Variants in KIAA0319 observed in about 807,000 individuals in gnomAD.
KIAA0319 encodes KIAA0319.
KIAA0319 carries 83 observed loss-of-function variants against 108.4 expected under a neutral mutation model. The observed-to-expected ratio is 0.77, with a 90% confidence interval of 0.64 to 0.92. The LOEUF is 0.92. Ranked by LOEUF, KIAA0319 falls within the 40% of genes least tolerant of loss-of-function variation. The pLI, the probability that KIAA0319 is intolerant of heterozygous loss-of-function variation, is 0.00. For missense variants in KIAA0319, 1,195 were observed against 1,322.4 expected, an observed-to-expected ratio of 0.90 and a Z score of 1.49; for synonymous variants, 484 against 510.4, an observed-to-expected ratio of 0.95 and a Z score of 0.70.
chr6:24,553,333 ACACG>A (rs574296899), intron 19 of KIAA0319, among the ~76,000 whole-genome samples: 1,295 of 61,484 alleles, frequency 0.021, 16 homozygotes, highest in Non-Finnish European at 0.037. Flanking sequence ...ACACACACAC[ACACG>A]CACATATATA....
intron 4 of KIAA0319, among the ~76,000 whole-genome samples, chr6:24,585,319 G>A (rs2760135): frequency 0.74 from 112,202 of 151,232 alleles, 42,094 homozygotes; most frequent in Non-Finnish European, 0.79. Context: ...ATTCCTAAAC[G>A]AGATACCTAC....
chr6:24,583,651 T>C lies in KIAA0319; in HGVS notation c.1046A>G (p.Asp349Gly), dbSNP rs1766984651. 6.2e-7 allele frequency: 1 copy of C among 1,613,996 alleles called. No homozygotes were observed. Among genetic ancestry groups the C allele is most frequent in the Non-Finnish European group, 8.5e-7 (1 of 1,179,916 alleles). Residue 349 changes from aspartate to glycine, a missense_variant, in exon 5 of 21, where the codon GAC becomes GGC. By Grantham distance (94) the Asp-to-Gly change is moderately conservative (BLOSUM62 -1). Coordinates refer to ENST00000378214, the MANE Select transcript of KIAA0319 (RefSeq NM_014809.4). ...AAAGGCCTTCAGTTCAACTTCATTG[T>C]CGGGTAAAGTTATAATTAGGTTATC... ...AGDNLIITLP[D>G]NEVELKAFVA...
At chr6:24,606,812 A>G (rs1771479719) in intron 1 of KIAA0319, among the ~76,000 whole-genome samples, 1 of 152,200 alleles carries the variant, frequency 6.6e-6, no homozygotes, top group African/African-American at 2.4e-5. Flanking sequence ...TTCTGAGGGA[A>G]GCTCTTTTTG....
chr6:24,582,397 G>C lies in KIAA0319; in HGVS notation c.1094-51C>G, dbSNP rs773816223. 5.5e-6 allele frequency: 6 copies of C among 1,087,574 alleles called. No individual in the cohort carries two copies. In the East Asian group the frequency reaches 1.4e-4, roughly 26 times the overall value. The allele number at this position is 1,087,574 out of a possible 1,614,324, so 67.4% of individuals were successfully genotyped here. On this transcript the variant is annotated intron_variant, in intron 5 of 20. Coordinates refer to ENST00000378214, the MANE Select transcript of KIAA0319 (RefSeq NM_014809.4). ...AGTTATAAATTCTGAGAGGACACTAGATAACCTGGGCAGAGGGAAGATGAC... is the reference window on the plus strand; with the variant it reads ...AGTTATAAATTCTGAGAGGACACTACATAACCTGGGCAGAGGGAAGATGAC...
At position 24,546,508 on chromosome 6, in the gene KIAA0319, T is replaced by C. The variant is rs1679208254; in HGVS notation, c.*657A>G. On this transcript the variant is annotated 3_prime_UTR_variant, in exon 21 of 21. Coordinates refer to ENST00000378214, the MANE Select transcript of KIAA0319 (RefSeq NM_014809.4). ...CATTAAGCTCCTCCTCCCCTTTCTA[T>C]TGCCTCAGTCCTTAGAATACGATTC... 6.6e-6 allele frequency: 1 copy of C among 152,166 alleles called. No individual in the cohort carries two copies. Among genetic ancestry groups the C allele is most frequent in the African/African-American group, 2.4e-5 (1 of 41,462 alleles). The allele number at this position is 152,166 out of a possible 1,614,324, so 9.4% of individuals were successfully genotyped here. A position where few individuals can be genotyped will look rare whatever the true frequency, so the allele number is the denominator to read the frequency against.
chr6:24,550,469 G>A (rs1014397538), intron 20 of KIAA0319, among the ~76,000 whole-genome samples: 5 of 152,218 alleles, frequency 3.3e-5, no homozygotes, highest in South Asian at 2.1e-4. Flanking sequence ...CAGAGGGCCA[G>A]AGAAGTTTCA....
Position 24,563,414 on chromosome 6 carries a change from T to C in KIAA0319, c.2536A>G (p.Asn846Asp). Residue 846 changes from asparagine to aspartate, a missense_variant, in exon 16 of 21, where the codon AAC becomes GAC. Transcript: ENST00000378214. ...TLVRQLAVLL[N>D]VLDSDIKVQK... The stretch of plus-strand genomic sequence containing the variant: ...ACCTTAATGTCCGAGTCCAGCACGT[T>C]CAGCAGCACAGCCAGCTGCCTCACA... 6.2e-7 allele frequency: 1 copy of C among 1,613,918 alleles called. No individual in the cohort carries two copies.
rs138585475 is a variant in KIAA0319 at position 24,573,496 on chromosome 6, A to C, written c.1735-798T>G. On this transcript the variant is annotated intron_variant, in intron 10 of 20. Coordinates refer to ENST00000378214, the MANE Select transcript of KIAA0319 (RefSeq NM_014809.4). ...AAATGGAAAATGTCAAAGAAATATT[A>C]AGCAAAAAAAAGAAAGTTGGGTCGC... is the stretch of plus-strand genomic sequence containing the variant. Among the ~76,000 whole-genome samples, 47 of 152,386 alleles carry C rather than the reference A, an allele frequency of 3.1e-4. 1 individual carries two copies. Among genetic ancestry groups the C allele is most frequent in the African/African-American group, 9.9e-4 (41 of 41,606 alleles).
chr6:24,644,247 G>A (rs1455210255), intron 1 of KIAA0319, among the ~76,000 whole-genome samples: 1 of 13,916 alleles, frequency 7.2e-5, no homozygotes, highest in African/African-American at 6.0e-4. Context: ...ACAGGGGAGA[G>A]GGGGGGGTTC....
At chr6:24,583,483 C>A in intron 5 of KIAA0319, 121 bp downstream of exon 5, 1 of 718,330 alleles carries the variant, frequency 1.4e-6, no homozygotes, top group South Asian at 1.9e-5. Flanking sequence ...TGTCCTCCAC[C>A]TTTGTTTGTG....
chr6:24,569,650 C>A (rs1293440422), intron 12 of KIAA0319, among the ~76,000 whole-genome samples: 1 of 152,192 alleles, frequency 6.6e-6, no homozygotes, highest in Non-Finnish European at 1.5e-5. Flanking sequence ...TGAACCTCTT[C>A]TGTCATGAGC....
intron 1 of KIAA0319, among the ~76,000 whole-genome samples, chr6:24,623,646 G>A (rs1458203039): frequency 6.6e-6 from 1 of 152,198 alleles, no homozygotes; most frequent in African/African-American, 2.4e-5. Flanking sequence ...AAAATTCTAA[G>A]GGGGATGAAG....
At chr6:24,602,596 CGA>C (rs1327203698) in intron 1 of KIAA0319, among the ~76,000 whole-genome samples, 1 of 152,054 alleles carries the variant, frequency 6.6e-6, no homozygotes, top group Non-Finnish European at 1.5e-5. Context: ...GTCAGGAGAT[CGA>C]GACCATCCTG....
intron 1 of KIAA0319, among the ~76,000 whole-genome samples, chr6:24,642,140 G>A (rs1366872604): frequency 1.6e-5 from 2 of 125,322 alleles, no homozygotes; most frequent in Admixed American, 1.6e-4. Context: ...GGGAGGGGAA[G>A]GGGAGGGAAG....
At chr6:24,573,962 A>G (rs559298066) in intron 10 of KIAA0319, among the ~76,000 whole-genome samples, 2 of 152,092 alleles carry the variant, frequency 1.3e-5, no homozygotes, top group African/African-American at 4.8e-5. Context: ...TAAAAATACA[A>G]AAATTATTCG....
chr6:24,575,649 G>C (rs763044775), intron 10 of KIAA0319, among the ~76,000 whole-genome samples: 3 of 152,162 alleles, frequency 2.0e-5, no homozygotes, highest in Non-Finnish European at 4.4e-5. Flanking sequence ...TCCATGGAAT[G>C]TCCGATTTTA....
rs769768664 is a variant in KIAA0319, at chr6:24,564,228, T to C, written c.2405A>G (p.Asp802Gly). 8.1e-6 allele frequency: 13 copies of C among 1,613,944 alleles called. No homozygotes were observed. In the Middle Eastern group the frequency reaches 8.2e-4, roughly 102 times the overall value. ...VTDSQGASDT[D>G]TATVEVQPDP... ...TGGCTGCACTTCCACAGTGGCAGTG[T>C]CTGTGTCCGAGGCCCCCTGACTGTC... The change falls in exon 15 of 21, where the codon GAC (aspartate) becomes GGC (glycine). Residue 802 changes from aspartate (D) to glycine (G), a missense_variant. By Grantham distance (94) the Asp-to-Gly change is moderately conservative (BLOSUM62 -1). Coordinates refer to ENST00000378214, the MANE Select transcript of KIAA0319 (RefSeq NM_014809.4).
At chr6:24,627,107 T>A (rs1356046945) in intron 1 of KIAA0319, among the ~76,000 whole-genome samples, 1 of 152,206 alleles carries the variant, frequency 6.6e-6, no homozygotes, top group Non-Finnish European at 1.5e-5. Context: ...CTTTCTACTT[T>A]TCTATATTTT....
chr6:24,559,189 T>C, intron 16 of KIAA0319, 34 bp from the exon 17 acceptor site: 2 of 1,605,238 alleles, frequency 1.2e-6, no homozygotes, highest in South Asian at 1.1e-5. Flanking sequence ...GACAGCCACA[T>C]GGTCAGATGG....
Sources: gnomAD v4.1 joint callset for allele counts (sites outside exome capture counted in the v4.1 genomes callset) on GRCh38, gnomAD v4.1.1 for gene constraint, MANE v1.5 for transcripts, NCBI Gene and HGNC (gene_info 2026-07-23, HGNC 2026-07-21) for gene names.